The following COL4A6 variants were observed in gnomAD, a reference collection of about 807,000 sequenced individuals.
The protein encoded by COL4A6 is collagen type IV alpha 6 chain.
COL4A6 carries 59 observed loss-of-function variants against 126.7 expected under a neutral mutation model. That is an observed-to-expected ratio of 0.47 (90% CI 0.38 to 0.58). The LOEUF (loss-of-function observed/expected upper bound fraction) is 0.58. COL4A6 is among the 20% of genes least tolerant of loss of function. The pLI, the probability that COL4A6 is intolerant of heterozygous loss-of-function variation, is 0.00. For missense variants in COL4A6, 1,285 were observed against 1,337.3 expected (o/e 0.96, Z 0.61); for synonymous variants, 547 against 496.6 (o/e 1.10, Z -1.35).
intron 20 of COL4A6, 104 bp downstream of exon 20, chrX:108,190,288 C>T: frequency 5.7e-6 from 3 of 522,336 alleles, no homozygotes; most frequent in Non-Finnish European, 9.8e-6. Flanking sequence ...ACAAGATCCA[C>T]AGTTGCTTCT....
chrX:108,255,320 C>T (rs1055639118), intron 3 of COL4A6, among the ~76,000 whole-genome samples: 1 of 108,451 alleles, frequency 9.2e-6, no homozygotes, highest in Non-Finnish European at 1.9e-5. Context: ...AGAGAGGCTA[C>T]ATTATCTAGA....
intron 2 of COL4A6, among the ~76,000 whole-genome samples, chrX:108,331,970 C>T (rs1020873845): frequency 3.6e-5 from 4 of 111,151 alleles, no homozygotes. Context: ...ACATTGTACC[C>T]AACAGGTAGT....
intron 25 of COL4A6, among the ~76,000 whole-genome samples, chrX:108,179,817 G>A (rs1335915085): frequency 9.3e-6 from 1 of 107,248 alleles, no homozygotes; most frequent in East Asian, 3.0e-4. Context: ...GTACTGGAGG[G>A]GACCCTGGAG....
intron 2 of COL4A6, among the ~76,000 whole-genome samples, chrX:108,412,016 A>AT (rs755452787): frequency 1.8e-5 from 2 of 110,933 alleles, no homozygotes; most frequent in East Asian, 5.7e-4. Context: ...TAAAATAGGG[A>AT]TTTTCACAAA....
chrX:108,262,848 T>C (rs2037201755), intron 3 of COL4A6, among the ~76,000 whole-genome samples: 1 of 111,866 alleles, frequency 8.9e-6, no homozygotes, highest in Admixed American at 9.5e-5. Context: ...TTACAAAGCC[T>C]CTGTCTCTTA....
chrX:108,311,767 A>G (rs73524857), intron 2 of COL4A6, among the ~76,000 whole-genome samples: 6,981 of 111,498 alleles, frequency 0.063, 509 homozygotes, highest in African/African-American at 0.2. Flanking sequence ...ATCGTTAGAC[A>G]TTCTCTTTAC....
rs750587620 is a variant in COL4A6, at chrX:108,188,139, C to T, written c.1588-112G>A. ...ACCTTGGGTACATATTGGCACTGTTCTAGACACTGATTATGTTGTAATCTT... is the reference window on the plus strand; with the variant it reads ...ACCTTGGGTACATATTGGCACTGTTTTAGACACTGATTATGTTGTAATCTT... On this transcript the variant is annotated intron_variant, in intron 21 of 44. Coordinates refer to ENST00000334504, the MANE Select transcript of COL4A6 (RefSeq NM_033641.4). 1.2e-4 allele frequency: 67 copies of T among 537,889 alleles called. No individual in the cohort carries two copies. In the African/African-American group the frequency reaches 1.4e-3, roughly 11 times the overall value. 44.3% of individuals were successfully genotyped at this position (537,889 alleles called of 1,213,427 possible).
intron 2 of COL4A6, among the ~76,000 whole-genome samples, chrX:108,330,159 C>A (rs1226312261): frequency 9.0e-6 from 1 of 110,750 alleles, no homozygotes; most frequent in Non-Finnish European, 1.9e-5. Context: ...AAAGCCCTGA[C>A]GAACATCTAC....
chrX:108,200,010 G>T lies in COL4A6; in HGVS notation c.834+2918C>A, dbSNP rs1183412352. Among the ~76,000 whole-genome samples, 3 of 112,049 alleles carry T rather than the reference G, an allele frequency of 2.7e-5. No individual in the cohort carries two copies. In the Admixed American group the frequency reaches 2.8e-4, roughly 11 times the overall value. On this transcript the variant is annotated intron_variant, in intron 13 of 44. Transcript: ENST00000334504. ...GGCTGTGGTTTCCTCATCAGTACAA[G>T]GAAGATAAGCCTGGCTCACCTTGCT...
At chrX:108,300,366 C>G (rs775685779) in intron 3 of COL4A6, among the ~76,000 whole-genome samples, 205 of 98,167 alleles carry the variant, frequency 2.1e-3, no homozygotes, top group Non-Finnish European at 3.0e-3. Context: ...CTCTCTCTCT[C>G]TGTGTGTGTG....
At chrX:108,340,795 T>G (rs2039542630) in intron 2 of COL4A6, among the ~76,000 whole-genome samples, 1 of 85,757 alleles carries the variant, frequency 1.2e-5, no homozygotes, top group Non-Finnish European at 2.2e-5. Flanking sequence ...CATTAAAAAA[T>G]AAAGTTATTT....
At position 108,215,469 on chromosome X, in the gene COL4A6, A is replaced by C. The variant is rs890971754; in HGVS notation, c.325-1241T>G. On this transcript the variant is annotated intron_variant, in intron 5 of 44. Transcript: ENST00000334504. ...CTTTTTATTAGTAACTGGGATGGTT[A>C]CTCTTGTTTGCCCTGAAGATCTACA... Among the ~76,000 whole-genome samples, 4 of 57,894 alleles carry C rather than the reference A, an allele frequency of 6.9e-5. No individual in the cohort carries two copies. In the East Asian group the frequency reaches 1.9e-3, roughly 28 times the overall value. The allele number at this position is 57,894 out of a possible 115,157, so 50.3% of individuals were successfully genotyped here. A position where few individuals can be genotyped will look rare whatever the true frequency, so the allele number is the denominator to read the frequency against.
intron 2 of COL4A6, among the ~76,000 whole-genome samples, chrX:108,431,781 C>T (rs767607540): frequency 1.8e-5 from 2 of 111,485 alleles, no homozygotes; most frequent in African/African-American, 6.5e-5. Flanking sequence ...GGGCTGGCAC[C>T]ATCCCATAGG....
At chrX:108,436,094 C>T (rs1283236305) in intron 2 of COL4A6, among the ~76,000 whole-genome samples, 1 of 111,825 alleles carries the variant, frequency 8.9e-6, no homozygotes, top group Non-Finnish European at 1.9e-5. Flanking sequence ...TTATATTTGT[C>T]ATTTTCCCCA....
intron 2 of COL4A6, among the ~76,000 whole-genome samples, chrX:108,357,150 C>T (rs2039979467): frequency 9.0e-6 from 1 of 111,599 alleles, no homozygotes; most frequent in African/African-American, 3.3e-5. Context: ...AGATAATTCA[C>T]TCAGTGAATG....
Position 108,291,548 on chromosome X carries a change from AT to A in COL4A6, c.144+19199del, listed in dbSNP as rs921204559. On this transcript the variant is annotated intron_variant, in intron 3 of 44. Transcript: ENST00000334504. ...ATTGTAAGACATATAGGCTTTTTCT[AT>A]TTTTTTTTTTACTGTTACAAATAGG... Among the ~76,000 whole-genome samples the A allele has an allele frequency of 7.4e-3, 763 of 103,722 alleles. 9 individuals are homozygous for A. The highest frequency in any genetic ancestry group is 0.047 in the East Asian group (157 of 3,341). The allele number at this position is 103,722 out of a possible 115,157, so 90.1% of individuals were successfully genotyped here.
Position 108,233,890 on chromosome X carries a change from G to A in COL4A6, c.145-12516C>T, listed in dbSNP as rs188609472. Among the ~76,000 whole-genome samples, 3 of 111,684 alleles carry A rather than the reference G, an allele frequency of 2.7e-5. No individual in the cohort carries two copies. In the Admixed American group the frequency reaches 2.8e-4, roughly 11 times the overall value. ...AGTAAAGCCCTCTGCACAGACACAC[G>A]CAGGCAAAAAGATGGGAAGGGAATG... On this transcript the variant is annotated intron_variant, in intron 3 of 44. Transcript: ENST00000334504.
At chrX:108,163,791 A>G (rs1248654692) in intron 40 of COL4A6, among the ~76,000 whole-genome samples, 1 of 112,390 alleles carries the variant, frequency 8.9e-6, no homozygotes, top group Non-Finnish European at 1.9e-5. Flanking sequence ...TGACATTTAA[A>G]CTGAGACCAC....
intron 2 of COL4A6, among the ~76,000 whole-genome samples, chrX:108,358,984 C>T (rs73526999): frequency 0.063 from 6,965 of 110,960 alleles, 516 homozygotes; most frequent in African/African-American, 0.2. Context: ...TCCTAGGGAC[C>T]GGATCTGCAC....
Sources: allele counts gnomAD v4.1 joint callset (sites outside exome capture counted in the v4.1 genomes callset), GRCh38; gene constraint gnomAD v4.1.1; transcripts MANE v1.5; gene names NCBI Gene and HGNC (gene_info 2026-07-23, HGNC 2026-07-21).